The following HADHA variants were observed in gnomAD, a reference collection of about 807,000 sequenced individuals.
The protein encoded by HADHA is hydroxyacyl-CoA dehydrogenase trifunctional multienzyme complex subunit alpha, also known as trifunctional enzyme subunit alpha, mitochondrial.
HADHA carries 59 observed loss-of-function variants against 91.3 expected under a neutral mutation model. The observed-to-expected ratio is 0.65, with a 90% confidence interval of 0.52 to 0.80. HADHA has a LOEUF of 0.80. HADHA is among the 30% of genes least tolerant of loss of function. The pLI, the probability that HADHA is intolerant of heterozygous loss-of-function variation, is 0.00. For synonymous variants in HADHA, 320 were observed against 338.9 expected (o/e 0.94, Z 0.61); for missense variants, 800 against 927.6 (o/e 0.86, Z 1.79).
intron 4 of HADHA, among the ~76,000 whole-genome samples, chr2:26,236,341 G>GTA (rs1458077172): frequency 9.8e-6 from 1 of 102,508 alleles, no homozygotes; most frequent in Non-Finnish European, 2.3e-5. Flanking sequence ...ATCACATGAT[G>GTA]TGTGTGTGTG....
intron 7 of HADHA, among the ~76,000 whole-genome samples, chr2:26,223,025 C>G (rs979387346): frequency 2.0e-5 from 3 of 152,192 alleles, no homozygotes; most frequent in Non-Finnish European, 4.4e-5. Flanking sequence ...ACTATTACCC[C>G]TAGTGATCTA....
rs778014305 is a variant in HADHA at position 26,193,761 on chromosome 2, G to A, written c.1701C>T (p.Asp567=). 4 of 1,613,910 alleles carry A rather than the reference G, an allele frequency of 2.5e-6. No individual in the cohort carries two copies. The highest frequency in any genetic ancestry group is 1.3e-5 in the African/African-American group (1 of 74,920). ...EVIRILQEGV[D]PKKLDSLTTS... ...TGGTCAGGGAATCCAGCTTCTTCGG[G>A]TCAACTCCTTCCTGAACAGGAAGCG... Residue 567 remains aspartate, a synonymous_variant, in exon 17 of 20, where the codon GAC becomes GAT. Transcript: ENST00000380649.
chr2:26,199,568 C>T lies in HADHA; in HGVS notation c.1392+1581G>A, dbSNP rs116165208. On this transcript the variant is annotated intron_variant, in intron 13 of 19. Transcript: ENST00000380649. ...TCCTTGGACATGTATGTCTTTTCTC[C>T]CAGCTAGAAGTAGAGTCTGTTTCCC... 9.4e-3 allele frequency among the ~76,000 whole-genome samples: 1,425 copies of T among 152,204 alleles called. 26 individuals are homozygous for T. The highest frequency in any genetic ancestry group is 0.032 in the African/African-American group (1,313 of 41,514).
chr2:26,239,014 A>G lies in HADHA; in HGVS notation c.110-10T>C, dbSNP rs372046774. The G allele has an allele frequency of 1.2e-6, 2 of 1,600,436 alleles. No homozygotes were observed. Among genetic ancestry groups the G allele is most frequent in the Non-Finnish European group, 1.7e-6 (2 of 1,167,664 alleles). On this transcript the variant is annotated splice_polypyrimidine_tract_variant and intron_variant, in intron 2 of 19. Coordinates refer to ENST00000380649, the MANE Select transcript of HADHA (RefSeq NM_000182.5). ...TTAATATGGGTTCTGGCTAAAAAGA[A>G]AAGAAAGATTTATTTGTAAACATAT... is the stretch of plus-strand genomic sequence containing the variant.
In HADHA at chr2:26,232,201, C is replaced by A. The variant is rs1325994888; in HGVS notation, c.532G>T (p.Ala178Ser). ...VLGTPEVLLG[A>S]LPGAGGTQRL... Reference sequence around the variant, plus strand: ...TGTGTGCCTCCTGCTCCTGGTAAGGCCCCCAGCAAAACTTCAGGGGTACCT... The same window carrying A: ...TGTGTGCCTCCTGCTCCTGGTAAGGACCCCAGCAAAACTTCAGGGGTACCT... The change falls in exon 6 of 20, where the codon GCC (alanine) becomes TCC (serine). Residue 178 changes from alanine (A) to serine (S), a missense_variant. By Grantham distance (99) the Ala-to-Ser change is moderately conservative (BLOSUM62 1). Transcript: ENST00000380649. 3.7e-6 allele frequency: 6 copies of A among 1,609,378 alleles called. No homozygotes were observed. The South Asian group carries it at 6.6e-5, about 18-fold the overall frequency.
At position 26,237,004 on chromosome 2, in the gene HADHA, A is replaced by G; in HGVS notation, c.181-16T>C. The G allele has an allele frequency of 6.3e-7, 1 of 1,592,026 alleles. No individual in the cohort carries two copies. The highest frequency in any genetic ancestry group is 1.1e-5 in the South Asian group (1 of 90,642). ...GTGTATTTACCTGCCAAAGGGAAATATATACAGGTAAGGGTTTAAATTTGA... is the reference window on the plus strand; with the variant it reads ...GTGTATTTACCTGCCAAAGGGAAATGTATACAGGTAAGGGTTTAAATTTGA... On this transcript the variant is annotated splice_polypyrimidine_tract_variant and intron_variant, in intron 3 of 19. Transcript: ENST00000380649.
rs905957552 is a variant in HADHA at position 26,221,858 on chromosome 2, G to A, written c.677-6683C>T. Among the ~76,000 whole-genome samples the A allele has an allele frequency of 1.3e-4, 20 of 152,260 alleles. No individual in the cohort carries two copies. Among genetic ancestry groups the A allele is most frequent in the African/African-American group, 3.4e-4 (14 of 41,552 alleles). The stretch of plus-strand genomic sequence containing the variant: ...GGGCAGTACTTCTGACAGTGCACCC[G>A]GTTGTTCATTTTGTCTAGAAAGAAA... On this transcript the variant is annotated intron_variant, in intron 7 of 19. Coordinates refer to ENST00000380649, the MANE Select transcript of HADHA (RefSeq NM_000182.5). The surrounding 1 kb of genome is among the most constrained non-coding windows in gnomAD (Gnocchi z 4.8).
rs1553315306 is a variant in HADHA, at chr2:26,229,348, G to GCACGCACACA, written c.676+843_676+844insTGTGTGCGTG. Among the ~76,000 whole-genome samples, 17 of 147,518 alleles carry GCACGCACACA rather than the reference G, an allele frequency of 1.2e-4. No homozygotes were observed. Among genetic ancestry groups the GCACGCACACA allele is most frequent in the Non-Finnish European group, 7.5e-5 (5 of 67,104 alleles). ...GTGAGACCCCAACATGTGTGCGCGC[G>GCACGCACACA]CACACACACACACACACACACACAC... On this transcript the variant is annotated intron_variant, in intron 7 of 19. Transcript: ENST00000380649. The surrounding 1 kb of genome is among the most constrained non-coding windows in gnomAD (Gnocchi z 4.3).
chr2:26,195,398 G>A, intron 14 of HADHA, among the ~76,000 whole-genome samples, 166 bp from the exon 15 acceptor site: 1 of 152,042 alleles, frequency 6.6e-6, no homozygotes, highest in Non-Finnish European at 1.5e-5. Context: ...TAAAAGTTTA[G>A]TATGTTTAGG....
At chr2:26,211,953 C>T (rs1157053228) in intron 10 of HADHA, 1 of 152,824 alleles carries the variant, frequency 6.5e-6, no homozygotes, top group African/African-American at 2.4e-5. Context: ...ATAAAACCTG[C>T]CCAAGTGCGG....
chr2:26,232,146 G>A lies in HADHA; in HGVS notation c.573+14C>T. The A allele has an allele frequency of 6.2e-7, 1 of 1,600,440 alleles. No individual in the cohort carries two copies. Among genetic ancestry groups the A allele is most frequent in the Non-Finnish European group, 8.6e-7 (1 of 1,167,620 alleles). On this transcript the variant is annotated intron_variant, in intron 6 of 19. Coordinates refer to ENST00000380649, the MANE Select transcript of HADHA (RefSeq NM_000182.5). Reference sequence around the variant, plus strand: ...AGAGGGCATATAGCTTCACAAAGGGGATGTTAGACTCACCATTTTGGGCAG... The same window carrying A: ...AGAGGGCATATAGCTTCACAAAGGGAATGTTAGACTCACCATTTTGGGCAG...
chr2:26,193,555 A>G (rs1669573651), intron 17 of HADHA, 22 bp downstream of exon 17: 1 of 1,582,508 alleles, frequency 6.3e-7, no homozygotes, highest in African/African-American at 1.3e-5. Context: ...GGTGCTAGTT[A>G]TGTTTCCTTG....
chr2:26,242,937 G>A (rs1328502239), intron 1 of HADHA, among the ~76,000 whole-genome samples: 2 of 152,188 alleles, frequency 1.3e-5, no homozygotes, highest in South Asian at 2.1e-4. Flanking sequence ...ATTTTTAGTA[G>A]AGACGGGGTT....
In HADHA at chr2:26,220,463, G is replaced by A. The variant is rs1046352880; in HGVS notation, c.677-5288C>T. On this transcript the variant is annotated intron_variant, in intron 7 of 19. Transcript: ENST00000380649. Reference sequence around the variant, plus strand: ...AGTGTCACCATCAAGGACTGAAAGCGGTAGGGGTGGTGATTCCCACTTCAT... The same window carrying A: ...AGTGTCACCATCAAGGACTGAAAGCAGTAGGGGTGGTGATTCCCACTTCAT... 7.2e-5 allele frequency among the ~76,000 whole-genome samples: 11 copies of A among 152,314 alleles called. No homozygotes were observed. In the East Asian group the frequency reaches 1.9e-3, roughly 27 times the overall value.
chr2:26,191,094 G>A lies in HADHA; in HGVS notation c.*156C>T, dbSNP rs1669481795. On this transcript the variant is annotated 3_prime_UTR_variant, in exon 20 of 20. Coordinates refer to ENST00000380649, the MANE Select transcript of HADHA (RefSeq NM_000182.5). Reference sequence around the variant, plus strand: ...AAGTCACACTTCACCAGGAGGGAGAGATGGTCTTGGCTGAAGGCACTTTAA... The same window carrying A: ...AAGTCACACTTCACCAGGAGGGAGAAATGGTCTTGGCTGAAGGCACTTTAA... 5 of 721,392 alleles carry A rather than the reference G, an allele frequency of 6.9e-6. No individual in the cohort carries two copies. The highest frequency in any genetic ancestry group is 1.2e-5 in the Non-Finnish European group (5 of 407,728). The allele number at this position is 721,392 out of a possible 1,614,324, so 44.7% of individuals were successfully genotyped here.
rs1322871046 is a variant in HADHA at position 26,191,342 on chromosome 2, T to A, written c.2200A>T (p.Lys734Ter). 2 of 1,614,064 alleles carry A rather than the reference T, an allele frequency of 1.2e-6. No individual in the cohort carries two copies. The highest frequency in any genetic ancestry group is 2.2e-5 in the East Asian group (1 of 44,894). ...TTTCCATAGGCAGCTTCATATTTCT[T>A]GAGCCGGTCCACTATCTTCTGGGCG... ...YGAQKIVDRL[K>*]KYEAAYGKQF... The change falls in exon 20 of 20, where the codon AAG becomes TAG. Residue 734 changes from lysine to a stop codon, truncating the protein, a stop_gained. Transcript: ENST00000380649. LOFTEE classifies it high-confidence loss of function.
In HADHA at chr2:26,214,909, G is replaced by T; in HGVS notation, c.799+144C>A. 1.2e-6 allele frequency: 1 copy of T among 822,292 alleles called. No individual in the cohort carries two copies. Among genetic ancestry groups the T allele is most frequent in the Non-Finnish European group, 2.1e-6 (1 of 476,388 alleles). 50.9% of individuals were successfully genotyped at this position (822,292 alleles called of 1,614,324 possible). A position where few individuals can be genotyped will look rare whatever the true frequency, so the allele number is the denominator to read the frequency against. The stretch of plus-strand genomic sequence containing the variant: ...TTTAACTGGATAGTGTAAAGTTGAG[G>T]AGTTGTTACATCTCCTACCTAAGGC... On this transcript the variant is annotated intron_variant, in intron 8 of 19. Transcript: ENST00000380649. The surrounding 1 kb of genome is among the most constrained non-coding windows in gnomAD (Gnocchi z 4.1).
In HADHA at chr2:26,204,120, T is replaced by C. The variant is rs370054250; in HGVS notation, c.1162A>G (p.Ile388Val). The C allele has an allele frequency of 8.1e-6, 13 of 1,613,744 alleles. No individual in the cohort carries two copies. The highest frequency in any genetic ancestry group is 1.1e-5 in the Non-Finnish European group (13 of 1,179,694). Reference sequence around the variant, plus strand: ...GCAGTGAGGGTGGCATCTTTAAGTATAGTCTTTAGCCCCTTATCCACGGAG... The same window carrying C: ...GCAGTGAGGGTGGCATCTTTAAGTACAGTCTTTAGCCCCTTATCCACGGAG... ...QVSVDKGLKT[I>V]LKDATLTALD... The change falls in exon 12 of 20, where the codon ATA (isoleucine) becomes GTA (valine). Residue 388 changes from isoleucine to valine, a missense_variant. Coordinates refer to ENST00000380649, the MANE Select transcript of HADHA (RefSeq NM_000182.5).
At chr2:26,209,399 T>A (rs1239229661) in intron 11 of HADHA, among the ~76,000 whole-genome samples, 1 of 151,994 alleles carries the variant, frequency 6.6e-6, no homozygotes, top group African/African-American at 2.4e-5. Flanking sequence ...TACAATGAGG[T>A]TTTATGTTTT....
Sources: allele counts gnomAD v4.1 joint callset (sites outside exome capture counted in the v4.1 genomes callset), GRCh38; gene constraint gnomAD v4.1.1; non-coding constraint Gnocchi (gnomAD v3.1); transcripts MANE v1.5; gene names NCBI Gene and HGNC (gene_info 2026-07-23, HGNC 2026-07-21).